Variants in OTUD7A observed in about 807,000 individuals in gnomAD.
The protein encoded by OTUD7A is OTU domain-containing protein 7A.
Under a neutral mutation model 65.7 loss-of-function variants are expected in OTUD7A, and 12 were observed. The observed-to-expected ratio is 0.18, with a 90% CI of 0.12 to 0.30. OTUD7A has a LOEUF of 0.30. OTUD7A is among the 10% of genes least tolerant of loss of function. The pLI is 1.00. For missense variants in OTUD7A, 1,148 were observed against 1,304.8 expected (o/e 0.88, Z 1.85); for synonymous variants, 641 against 586.3 (o/e 1.09, Z -1.35).
intron 10 of OTUD7A, among the ~76,000 whole-genome samples, chr15:31,489,337 C>A (rs1469230870): frequency 1.3e-5 from 2 of 152,184 alleles, no homozygotes; most frequent in South Asian, 4.1e-4. Flanking sequence ...TAAAATCAAG[C>A]AAATTCAGGA....
rs2041167678 is a variant in OTUD7A, at chr15:31,483,439, C to T, written c.2657G>A (p.Gly886Asp). Residue 886 changes from glycine (G) to aspartate (D), a missense_variant, in exon 13 of 13, where the codon GGC becomes GAC. By Grantham distance (94) the Gly-to-Asp change is moderately conservative. Coordinates refer to ENST00000307050, the MANE Select transcript of OTUD7A (RefSeq NM_001382637.1). ...APTARSNGEC[G>D]RGGPGPVQRR... Reference sequence around the variant, plus strand: ...CTGCACCGGCCCCGGGCCGCCACGGCCGCACTCACCGTTCGAGCGCGCGGT... The same window carrying T: ...CTGCACCGGCCCCGGGCCGCCACGGTCGCACTCACCGTTCGAGCGCGCGGT... 1 of 1,382,286 alleles carries T rather than the reference C, an allele frequency of 7.2e-7. No homozygotes were observed. The highest frequency in any genetic ancestry group is 9.4e-7 in the Non-Finnish European group (1 of 1,068,398). 85.6% of individuals were successfully genotyped at this position (1,382,286 alleles called of 1,614,324 possible).
intron 1 of OTUD7A, among the ~76,000 whole-genome samples, chr15:31,844,138 C>T (rs761322785): frequency 2.0e-5 from 3 of 152,258 alleles, no homozygotes; most frequent in African/African-American, 2.4e-5. Context: ...CACCTTTTCT[C>T]TGTGCCTTTT....
In OTUD7A at chr15:31,819,614, T is replaced by C. The variant is rs560326874; in HGVS notation, c.-100+50893A>G. On this transcript the variant is annotated intron_variant, in intron 1 of 12. Coordinates refer to ENST00000307050, the MANE Select transcript of OTUD7A (RefSeq NM_001382637.1). ...TCCAATGTATTTTATTTTGTCTATC[T>C]GTGTAGTCTGTTTTTTTCTAACGTA... 5.3e-5 allele frequency among the ~76,000 whole-genome samples: 8 copies of C among 152,306 alleles called. No homozygotes were observed. In the South Asian group the frequency reaches 1.5e-3, roughly 28 times the overall value.
At chr15:31,562,431 A>G (rs563541732) in intron 4 of OTUD7A, among the ~76,000 whole-genome samples, 1 of 152,242 alleles carries the variant, frequency 6.6e-6, no homozygotes, top group African/African-American at 2.4e-5. Context: ...CGTTATGCAC[A>G]CTAGCTGGGG....
intron 1 of OTUD7A, among the ~76,000 whole-genome samples, chr15:31,697,232 C>A (rs1893103490): frequency 9.6e-6 from 1 of 103,904 alleles, no homozygotes; most frequent in African/African-American, 3.0e-5. Flanking sequence ...CTCCACCTGC[C>A]TCCTTCCCCA....
intron 3 of OTUD7A, among the ~76,000 whole-genome samples, chr15:31,628,908 C>T (rs1056773283): frequency 1.1e-4 from 17 of 152,210 alleles, no homozygotes; most frequent in Admixed American, 3.3e-4. Flanking sequence ...GTTATTGGTG[C>T]ATAAGAATGC....
intron 3 of OTUD7A, among the ~76,000 whole-genome samples, chr15:31,610,232 A>G (rs1377372765): frequency 6.6e-6 from 1 of 152,164 alleles, no homozygotes; most frequent in Non-Finnish European, 1.5e-5. Flanking sequence ...ATAATGCTAA[A>G]AAGCCTTGTC....
intron 1 of OTUD7A, among the ~76,000 whole-genome samples, chr15:31,740,455 G>A (rs1894311633): frequency 6.6e-6 from 1 of 152,044 alleles, no homozygotes; most frequent in Non-Finnish European, 1.5e-5. Flanking sequence ...GAGGTGGGAG[G>A]AAGGAGAGAA....
In OTUD7A at chr15:31,830,233, G is replaced by A. The variant is rs963579346; in HGVS notation, c.-100+40274C>T. On this transcript the variant is annotated intron_variant, in intron 1 of 12. Transcript: ENST00000307050. ...ACACTCTTAGTCAATGATTTTAAAC[G>A]TTCTGTTCATCAATGCCAAATCAAT... is the stretch of plus-strand genomic sequence containing the variant. 7.2e-5 allele frequency among the ~76,000 whole-genome samples: 11 copies of A among 152,118 alleles called. No individual in the cohort carries two copies. In the South Asian group the frequency reaches 8.3e-4, roughly 11 times the overall value.
chr15:31,660,044 T>C (rs1892115545), intron 1 of OTUD7A, among the ~76,000 whole-genome samples: 1 of 152,292 alleles, frequency 6.6e-6, no homozygotes, highest in African/African-American at 2.4e-5. Context: ...TGAAAGAACA[T>C]GCACTATTAC....
At chr15:31,771,550 C>A (rs535237064) in intron 1 of OTUD7A, among the ~76,000 whole-genome samples, 1 of 152,300 alleles carries the variant, frequency 6.6e-6, no homozygotes, top group Non-Finnish European at 1.5e-5. Flanking sequence ...CATGAATGCA[C>A]GTCTACTACA....
chr15:31,526,316 G>A, intron 8 of OTUD7A, 33 bp downstream of exon 8: 1 of 1,544,000 alleles, frequency 6.5e-7, no homozygotes, highest in Non-Finnish European at 8.7e-7. Context: ...GGAGCTGGAG[G>A]TGACTTCTGG....
chr15:31,766,716 C>G, intron 1 of OTUD7A: 1 of 1,610,194 alleles, frequency 6.2e-7, no homozygotes, highest in South Asian at 1.1e-5. Context: ...CTTGAACAAT[C>G]AAAGTAGAGG....
chr15:31,793,316 G>A (rs373669456), intron 1 of OTUD7A, among the ~76,000 whole-genome samples: 14 of 152,188 alleles, frequency 9.2e-5, no homozygotes, highest in African/African-American at 3.4e-4. Flanking sequence ...CCAGGTGAAG[G>A]AGAACCCCAC....
chr15:31,811,167 TG>T (rs1297126176), intron 1 of OTUD7A, among the ~76,000 whole-genome samples: 4 of 151,976 alleles, frequency 2.6e-5, no homozygotes, highest in African/African-American at 4.8e-5. Flanking sequence ...TCACATTTGG[TG>T]GAAAATATAA....
At chr15:31,847,831 C>CCT (rs2141001282) in intron 1 of OTUD7A, among the ~76,000 whole-genome samples, 1 of 152,176 alleles carries the variant, frequency 6.6e-6, no homozygotes, top group South Asian at 2.1e-4. Context: ...TGCTGAAAGA[C>CCT]CAAGGATAAG....
intron 1 of OTUD7A, among the ~76,000 whole-genome samples, chr15:31,815,294 A>G (rs375913203): frequency 2.6e-5 from 4 of 152,184 alleles, no homozygotes; most frequent in South Asian, 4.1e-4. Flanking sequence ...CCAAGTGGAC[A>G]CTGAATCAGA....
At chr15:31,665,218 G>A (rs1892286618) in intron 1 of OTUD7A, among the ~76,000 whole-genome samples, 1 of 152,046 alleles carries the variant, frequency 6.6e-6, no homozygotes, top group African/African-American at 2.4e-5. Flanking sequence ...ATTTTGATGG[G>A]GATTGCACTG....
chr15:31,767,821 A>G, intron 1 of OTUD7A: 2 of 845,800 alleles, frequency 2.4e-6, no homozygotes, highest in Non-Finnish European at 4.0e-6. Context: ...TATCTTTGGA[A>G]AAGTTCTCTA....
Sources: gnomAD v4.1 joint callset for allele counts (sites outside exome capture counted in the v4.1 genomes callset) on GRCh38, gnomAD v4.1.1 for gene constraint, MANE v1.5 for transcripts, NCBI Gene and HGNC (gene_info 2026-07-23, HGNC 2026-07-21) for gene names.